The following PCBD2 variants were observed in gnomAD, a reference collection of about 807,000 sequenced individuals.
PCBD2 encodes the protein pterin-4-alpha-carbinolamine dehydratase 2.
PCBD2 carries 12 observed loss-of-function variants against 16.4 expected under a neutral mutation model. That is an observed-to-expected ratio of 0.73 (90% CI 0.47 to 1.19). The LOEUF is 1.19. Among genes scored for constraint, PCBD2 ranks in the 50% most tolerant of loss-of-function variants. The probability of loss-of-function intolerance (pLI) is 0.00; values close to 1 mark genes in which losing one functional copy is unlikely to be tolerated. For synonymous variants in PCBD2, 58 were observed against 61.8 expected, an observed-to-expected ratio of 0.94 and a Z score of 0.29; for missense variants, 138 against 156.8, an observed-to-expected ratio of 0.88 and a Z score of 0.64.
intron 2 of PCBD2, among the ~76,000 whole-genome samples, chr5:134,948,960 A>G (rs1035689227): frequency 1.3e-5 from 2 of 152,088 alleles, no homozygotes; most frequent in Non-Finnish European, 2.9e-5. Context: ...TTTTAATTTC[A>G]TAGTTGGATA....
intron 2 of PCBD2, among the ~76,000 whole-genome samples, chr5:134,912,742 C>G (rs1281924805): frequency 6.6e-6 from 1 of 152,030 alleles, no homozygotes; most frequent in Non-Finnish European, 1.5e-5. Flanking sequence ...CACAGAGTGG[C>G]CTTGTCTGGT....
intron 2 of PCBD2, among the ~76,000 whole-genome samples, chr5:134,931,377 A>G (rs1751093872): frequency 6.6e-6 from 1 of 152,192 alleles, no homozygotes; most frequent in Admixed American, 6.5e-5. Context: ...AATGCAGCCA[A>G]ATCAGTTTTC....
intron 2 of PCBD2, among the ~76,000 whole-genome samples, chr5:134,912,027 T>C (rs1750774529): frequency 6.6e-6 from 1 of 152,242 alleles, no homozygotes; most frequent in South Asian, 2.1e-4. Flanking sequence ...TGGTGTTGCC[T>C]CAGGCCCTGC....
chr5:134,959,203 A>C, intron 3 of PCBD2, 83 bp downstream of exon 3: 1 of 1,016,520 alleles, frequency 9.8e-7, no homozygotes, highest in Non-Finnish European at 1.5e-6. Context: ...TGTGCAGCTA[A>C]ATGTCATTGT....
intron 2 of PCBD2, chr5:134,923,544 G>T: frequency 3.2e-6 from 1 of 312,616 alleles, no homozygotes; most frequent in South Asian, 1.5e-4. Context: ...ACTATCTACT[G>T]AGTAGCCTCC....
intron 2 of PCBD2, among the ~76,000 whole-genome samples, chr5:134,917,209 A>C (rs1750843943): frequency 6.6e-6 from 1 of 152,260 alleles, no homozygotes; most frequent in Non-Finnish European, 1.5e-5. Flanking sequence ...TAGGTGCAGA[A>C]GGTGAGGCTT....
chr5:134,959,194 G>C, intron 3 of PCBD2, 74 bp downstream of exon 3: 1 of 1,129,502 alleles, frequency 8.9e-7, no homozygotes, highest in South Asian at 1.4e-5. Context: ...TTGTCATCTT[G>C]TGCAGCTAAA....
chr5:134,959,878 A>G (rs1438788736), intron 3 of PCBD2, among the ~76,000 whole-genome samples: 1 of 139,370 alleles, frequency 7.2e-6, no homozygotes, highest in Admixed American at 7.2e-5. Flanking sequence ...TAATTTAGAA[A>G]TGTGCTTTTT....
intron 1 of PCBD2, among the ~76,000 whole-genome samples, chr5:134,906,093 C>T (rs1750685578): frequency 2.0e-5 from 3 of 151,620 alleles, no homozygotes; most frequent in South Asian, 2.1e-4. Flanking sequence ...AGGCTAGTCT[C>T]GAACTCCTGA....
chr5:134,940,059 A>G (rs1751207485), intron 2 of PCBD2, among the ~76,000 whole-genome samples: 1 of 152,126 alleles, frequency 6.6e-6, no homozygotes, highest in Admixed American at 6.5e-5. Flanking sequence ...GCTGAGGCTG[A>G]GAGGGAGAAG....
rs545573001 is a variant in PCBD2 at position 134,914,311 on chromosome 5, G to T, written c.216+3845G>T. The stretch of plus-strand genomic sequence containing the variant: ...AAGGGAAGAGTGTTGGAGACCTGGG[G>T]AGATAAGAGAAGGAGTGGAATAGTC... On this transcript the variant is annotated intron_variant, in intron 2 of 3. Coordinates refer to ENST00000254908, the MANE Select transcript of PCBD2 (RefSeq NM_032151.5). Among the ~76,000 whole-genome samples the T allele has an allele frequency of 5.3e-5, 8 of 152,128 alleles. No homozygotes were observed. In the East Asian group the frequency reaches 1.2e-3, roughly 22 times the overall value.
At chr5:134,954,124 A>G (rs1751389683) in intron 2 of PCBD2, among the ~76,000 whole-genome samples, 1 of 152,042 alleles carries the variant, frequency 6.6e-6, no homozygotes, top group Admixed American at 6.6e-5. Flanking sequence ...TGCCCAGCTA[A>G]TTTTTAAAAT....
chr5:134,916,130 A>G (rs1750830294), intron 2 of PCBD2, among the ~76,000 whole-genome samples: 1 of 152,176 alleles, frequency 6.6e-6, no homozygotes, highest in South Asian at 2.1e-4. Context: ...CTCTACAAAA[A>G]TAAAAATTAG....
intron 2 of PCBD2, among the ~76,000 whole-genome samples, chr5:134,948,962 A>G (rs972849621): frequency 6.6e-6 from 1 of 152,082 alleles, no homozygotes; most frequent in Non-Finnish European, 1.5e-5. Context: ...TTAATTTCAT[A>G]GTTGGATATT....
intron 1 of PCBD2, among the ~76,000 whole-genome samples, chr5:134,906,565 T>A (rs1302967132): frequency 2.0e-5 from 3 of 152,160 alleles, no homozygotes; most frequent in African/African-American, 7.2e-5. Flanking sequence ...GTTGAGTGCC[T>A]ACTGTCACCT....
chr5:134,923,867 G>A (rs1476913843), intron 2 of PCBD2: 3 of 394,302 alleles, frequency 7.6e-6, no homozygotes, highest in African/African-American at 6.2e-5. Flanking sequence ...ATGAGAAGGC[G>A]GTTGAAGCGT....
intron 2 of PCBD2, among the ~76,000 whole-genome samples, chr5:134,941,834 G>A (rs552472040): frequency 5.3e-5 from 8 of 152,100 alleles, no homozygotes; most frequent in Middle Eastern, 3.4e-3. Flanking sequence ...ATAAGATTAT[G>A]GGGGCTGGGT....
intron 2 of PCBD2, among the ~76,000 whole-genome samples, chr5:134,944,407 G>A (rs1269598609): frequency 2.0e-5 from 3 of 151,990 alleles, no homozygotes; most frequent in African/African-American, 4.8e-5. Context: ...TAGGCATTTC[G>A]GTTTGGTTAA....
intron 2 of PCBD2, among the ~76,000 whole-genome samples, chr5:134,936,104 A>G (rs1751156248): frequency 6.6e-6 from 1 of 152,252 alleles, no homozygotes; most frequent in Non-Finnish European, 1.5e-5. Context: ...TTAACAGTAT[A>G]AGAAAATACC....
Sources: gnomAD v4.1 joint callset for allele counts (sites outside exome capture counted in the v4.1 genomes callset) on GRCh38, gnomAD v4.1.1 for gene constraint, MANE v1.5 for transcripts, NCBI Gene and HGNC (gene_info 2026-07-23, HGNC 2026-07-21) for gene names.